DCDC1: variants seen among roughly 807,000 people sequenced by gnomAD.
DCDC1 encodes the protein doublecortin domain-containing protein 1.
In DCDC1, 200 loss-of-function variants were observed where a neutral mutation model predicts 178.3. The ratio of observed to expected loss-of-function variants is 1.12; its 90% CI spans 1.00 to 1.26. The LOEUF (loss-of-function observed/expected upper bound fraction) is 1.26. Ranked by LOEUF, DCDC1 falls within the 50% of genes most tolerant of loss-of-function variation. The pLI is 0.00. For synonymous variants in DCDC1, 690 were observed against 604.8 expected, an observed-to-expected ratio of 1.14 and a Z score of -2.07; for missense variants, 1,983 against 1,749.2, an observed-to-expected ratio of 1.13 and a Z score of -2.38.
intron 20 of DCDC1, among the ~76,000 whole-genome samples, chr11:31,051,833 C>A (rs556355172): frequency 2.0e-5 from 3 of 152,230 alleles, no homozygotes; most frequent in African/African-American, 7.2e-5. Flanking sequence ...AGCTCTAAAT[C>A]TTGAAACAAA....
intron 1 of DCDC1, among the ~76,000 whole-genome samples, chr11:31,354,032 AAT>A (rs1951205088): frequency 6.6e-6 from 1 of 152,216 alleles, no homozygotes; most frequent in Non-Finnish European, 1.5e-5. Context: ...TCACGCCTGT[AAT>A]CCCAGCACTT....
intron 20 of DCDC1, among the ~76,000 whole-genome samples, chr11:30,968,736 T>TATATATATATATATATATA: frequency 7.4e-6 from 1 of 134,908 alleles, no homozygotes; most frequent in Non-Finnish European, 1.6e-5. Context: ...TATATATATA[T>TATATATATATATATATATA]GGTTTGATAT....
At chr11:31,020,246 C>T (rs1952779675) in intron 20 of DCDC1, among the ~76,000 whole-genome samples, 1 of 152,182 alleles carries the variant, frequency 6.6e-6, no homozygotes, top group South Asian at 2.1e-4. Flanking sequence ...CTCTTCTGGT[C>T]AATTCTCCCA....
chr11:31,000,556 T>C (rs1268885092), intron 20 of DCDC1, among the ~76,000 whole-genome samples: 2 of 152,118 alleles, frequency 1.3e-5, no homozygotes, highest in Non-Finnish European at 2.9e-5. Context: ...GAAATCCTTA[T>C]GGATTGCAAG....
chr11:31,306,524 CTT>C lies in DCDC1; in HGVS notation c.435-138_435-137del, dbSNP rs1486405050. On this transcript the variant is annotated intron_variant, in intron 4 of 38. Coordinates refer to ENST00000684477, the MANE Select transcript of DCDC1 (RefSeq NM_001387274.1). ...ATGTATATAAGTATACCTAACAAAA[CTT>C]TTTATAGGATAAGATTGTTGTTACA... is the stretch of plus-strand genomic sequence containing the variant. 9 of 844,872 alleles carry C rather than the reference CTT, an allele frequency of 1.1e-5. No homozygotes were observed. The Admixed American group carries it at 3.7e-4, about 34-fold the overall frequency. 52.3% of individuals were successfully genotyped at this position (844,872 alleles called of 1,614,324 possible). A position where few individuals can be genotyped will look rare whatever the true frequency, so the allele number is the denominator to read the frequency against.
intron 20 of DCDC1, among the ~76,000 whole-genome samples, chr11:30,984,972 C>G (rs1950569633): frequency 6.6e-6 from 1 of 152,172 alleles, no homozygotes; most frequent in Admixed American, 6.6e-5. Flanking sequence ...CCCAGGGTCT[C>G]AAAGTCCCCA....
chr11:31,004,639 G>A (rs553786906), intron 20 of DCDC1, among the ~76,000 whole-genome samples: 2 of 142,632 alleles, frequency 1.4e-5, no homozygotes, highest in South Asian at 2.2e-4. Context: ...CCAAGATCGC[G>A]CCACTGCACT....
At chr11:31,182,219 C>T (rs1022521413) in intron 9 of DCDC1, among the ~76,000 whole-genome samples, 9 of 152,094 alleles carry the variant, frequency 5.9e-5, no homozygotes, top group Admixed American at 5.9e-4. Context: ...CAGGCCAACA[C>T]TCAAATTCAG....
chr11:30,943,517 C>T (rs1947804453), intron 21 of DCDC1: 1 of 358,986 alleles, frequency 2.8e-6, no homozygotes, highest in Non-Finnish European at 5.5e-6. Context: ...CAAAATCGTA[C>T]ATCTTTTTAA....
At chr11:31,100,009 AC>A (rs1958405475) in intron 15 of DCDC1, among the ~76,000 whole-genome samples, 1 of 151,818 alleles carries the variant, frequency 6.6e-6, no homozygotes. Flanking sequence ...GAGCCACTGC[AC>A]CCAGCTGATG....
chr11:31,158,480 C>T (rs1304854174), intron 9 of DCDC1, among the ~76,000 whole-genome samples: 2 of 152,084 alleles, frequency 1.3e-5, no homozygotes, highest in Non-Finnish European at 2.9e-5. Context: ...GAACTTAATC[C>T]TCTTAACTGA....
chr11:31,317,499 T>C lies in DCDC1; in HGVS notation c.165-9591A>G, dbSNP rs1369265149. 5.2e-5 allele frequency among the ~76,000 whole-genome samples: 3 copies of C among 57,792 alleles called. 1 individual carries two copies. The South Asian group carries it at 1.6e-3, about 31-fold the overall frequency. 37.9% of individuals were successfully genotyped at this position (57,792 alleles called of 152,430 possible). Reference sequence around the variant, plus strand: ...TAAGAATGCTTGTGATTCTTGTACATTGATTTTGTATCCTGAGACTTTGCT... The same window carrying C: ...TAAGAATGCTTGTGATTCTTGTACACTGATTTTGTATCCTGAGACTTTGCT... On this transcript the variant is annotated intron_variant, in intron 3 of 38. Transcript: ENST00000684477.
chr11:31,070,327 C>A (rs1956479261), intron 18 of DCDC1, among the ~76,000 whole-genome samples: 1 of 152,162 alleles, frequency 6.6e-6, no homozygotes, highest in African/African-American at 2.4e-5. Flanking sequence ...CTCCTTTCAA[C>A]TTTTCTTCCC....
intron 9 of DCDC1, among the ~76,000 whole-genome samples, chr11:31,214,369 T>C (rs1973262491): frequency 6.6e-6 from 1 of 152,226 alleles, no homozygotes; most frequent in African/African-American, 2.4e-5. Flanking sequence ...CATTTCAAAA[T>C]GTATAATGTA....
chr11:30,901,576 G>C (rs980476526), intron 32 of DCDC1, among the ~76,000 whole-genome samples: 1 of 152,150 alleles, frequency 6.6e-6, no homozygotes, highest in Non-Finnish European at 1.5e-5. Flanking sequence ...TTCCATAAAA[G>C]GGGGCAGCCT....
intron 3 of DCDC1, among the ~76,000 whole-genome samples, chr11:31,313,526 G>C (rs1428881093): frequency 6.6e-6 from 1 of 151,986 alleles, no homozygotes; most frequent in Non-Finnish European, 1.5e-5. Flanking sequence ...TGTGCTTCTT[G>C]AGAACTATTA....
At chr11:30,904,825 C>T in intron 31 of DCDC1, 136 bp downstream of exon 31, 1 of 924,698 alleles carries the variant, frequency 1.1e-6, no homozygotes, top group South Asian at 1.6e-5. Context: ...AAACAGAGAT[C>T]TTCATCTCAT....
At chr11:31,080,412 T>C (rs1957105105) in intron 17 of DCDC1, among the ~76,000 whole-genome samples, 1 of 152,176 alleles carries the variant, frequency 6.6e-6, no homozygotes, top group African/African-American at 2.4e-5. Context: ...ATAATGGAAG[T>C]TATTTTGTGT....
chr11:31,047,670 C>T (rs1954938943), intron 20 of DCDC1, among the ~76,000 whole-genome samples: 1 of 152,050 alleles, frequency 6.6e-6, no homozygotes, highest in Non-Finnish European at 1.5e-5. Context: ...TATAGTTTGT[C>T]ACTACTAAGT....
Sources: allele counts gnomAD v4.1 joint callset (sites outside exome capture counted in the v4.1 genomes callset), GRCh38; gene constraint gnomAD v4.1.1; transcripts MANE v1.5; gene names NCBI Gene and HGNC (gene_info 2026-07-23, HGNC 2026-07-21).